The following OCIAD1 variants were observed in gnomAD, a reference collection of about 807,000 sequenced individuals.
The protein encoded by OCIAD1 is OCIA domain containing 1.
In OCIAD1, 29 loss-of-function variants were observed where a neutral mutation model predicts 38.9. That is an observed-to-expected ratio of 0.74 (90% CI 0.55 to 1.02). The LOEUF (loss-of-function observed/expected upper bound fraction) is 1.02. Ranked by LOEUF, OCIAD1 falls within the 50% of genes least tolerant of loss-of-function variation. OCIAD1 has a pLI of 0.00. For synonymous variants in OCIAD1, 110 were observed against 92.0 expected (o/e 1.20, Z -1.12); for missense variants, 288 against 289.6 (o/e 0.99, Z 0.04).
At chr4:48,835,315 T>G (rs1024178408) in intron 3 of OCIAD1, among the ~76,000 whole-genome samples, 1 of 152,180 alleles carries the variant, frequency 6.6e-6, no homozygotes, top group Non-Finnish European at 1.5e-5. Flanking sequence ...GAAGACTTTT[T>G]AAAGAGATAA....
At chr4:48,806,884 G>A (rs1186878600) in intron 1 of OCIAD1, among the ~76,000 whole-genome samples, 9 of 152,142 alleles carry the variant, frequency 5.9e-5, no homozygotes, top group South Asian at 2.1e-4. Context: ...GATTACAGGC[G>A]TGAGCAACCC....
intron 3 of OCIAD1, chr4:48,837,130 C>G (rs1413655988): frequency 6.6e-6 from 1 of 151,888 alleles, no homozygotes; most frequent in East Asian, 1.9e-4. Context: ...TGCCACCATA[C>G]CTGGCTATTT....
At position 48,823,965 on chromosome 4, in the gene OCIAD1, C is replaced by A. The variant is rs75857226; in HGVS notation, c.-102-6612C>A. Among the ~76,000 whole-genome samples the A allele has an allele frequency of 4.1e-4, 61 of 148,150 alleles. No homozygotes were observed. In the East Asian group the frequency reaches 0.011, roughly 27 times the overall value. On this transcript the variant is annotated intron_variant, in intron 1 of 6. Coordinates refer to the OCIAD1 transcript ENST00000504654. ...TACAGGAGTGAGCCACTACACCTGG[C>A]TTTCTTTGAATTCTTCTTTTGTTTT...
intron 1 of OCIAD1, among the ~76,000 whole-genome samples, chr4:48,807,672 C>T (rs1777042785): frequency 6.6e-6 from 1 of 152,082 alleles, no homozygotes; most frequent in South Asian, 2.1e-4. Flanking sequence ...TGCAGGCTGG[C>T]CCAAGCAAAA....
intron 4 of OCIAD1, among the ~76,000 whole-genome samples, chr4:48,846,719 G>T (rs1233307537): frequency 1.3e-5 from 2 of 150,970 alleles, no homozygotes; most frequent in African/African-American, 4.9e-5. Context: ...CTGCACTCCA[G>T]CCTGGGGACA....
At chr4:48,859,270 ATGTT>A (rs1034092542) in intron 8 of OCIAD1, among the ~76,000 whole-genome samples, 3 of 152,152 alleles carry the variant, frequency 2.0e-5, no homozygotes, top group Admixed American at 6.5e-5. Flanking sequence ...ATACTTTTGA[ATGTT>A]TGTCATCAAA....
chr4:48,833,526 A>T (rs1245482974), intron 3 of OCIAD1, 45 bp downstream of exon 3: 5 of 1,255,658 alleles, frequency 4.0e-6, no homozygotes, highest in Non-Finnish European at 5.7e-6. Flanking sequence ...CAAAATTTGT[A>T]CCTGAAATTT....
intron 4 of OCIAD1, among the ~76,000 whole-genome samples, chr4:48,846,606 G>A (rs150818803): frequency 6.6e-6 from 1 of 152,222 alleles, no homozygotes; most frequent in Admixed American, 6.5e-5. Context: ...AAATTAACTG[G>A]GCATGGTGGT....
intron 1 of OCIAD1, among the ~76,000 whole-genome samples, chr4:48,823,615 A>T (rs1777219519): frequency 6.6e-6 from 1 of 151,778 alleles, no homozygotes; most frequent in Admixed American, 6.6e-5. Flanking sequence ...GGCTATACAC[A>T]TTTCCTTTTT....
intron 1 of OCIAD1, chr4:48,805,453 G>A (rs1182867366): frequency 6.6e-6 from 1 of 152,180 alleles, no homozygotes; most frequent in Non-Finnish European, 1.5e-5. Flanking sequence ...TTATTACACA[G>A]CAATGGATAA....
Position 48,857,380 on chromosome 4 carries a change from T to C in OCIAD1, c.700+15T>C. On this transcript the variant is annotated intron_variant, in intron 8 of 8. Transcript: ENST00000264312. ...AAAAAAAGAAGGTATGATAGTTTAG[T>C]CTGAATCACTTTACTGTTGAGGATT... 4 of 1,499,190 alleles carry C rather than the reference T, an allele frequency of 2.7e-6. No individual in the cohort carries two copies. The highest frequency in any genetic ancestry group is 1.4e-5 in the South Asian group (1 of 71,846). 92.9% of individuals were successfully genotyped at this position (1,499,190 alleles called of 1,614,324 possible).
chr4:48,848,938 A>G (rs1333825952), intron 5 of OCIAD1, among the ~76,000 whole-genome samples: 2 of 152,184 alleles, frequency 1.3e-5, no homozygotes, highest in African/African-American at 4.8e-5. Context: ...AATGTGGCAC[A>G]TATACACCAT....
At chr4:48,828,446 C>T (rs1224047050), upstream of OCIAD1, among the ~76,000 whole-genome samples, 1 of 152,216 alleles carries the variant, frequency 6.6e-6, no homozygotes, top group Admixed American at 6.5e-5. Context: ...CGGCAACCCA[C>T]TCAGGTCCCC....
chr4:48,836,207 T>C (rs753435598), intron 3 of OCIAD1, among the ~76,000 whole-genome samples: 2 of 152,128 alleles, frequency 1.3e-5, no homozygotes, highest in Non-Finnish European at 2.9e-5. Context: ...AACGATGAGA[T>C]ATAGTTGATT....
intron 3 of OCIAD1, among the ~76,000 whole-genome samples, chr4:48,834,315 G>A (rs903380312): frequency 2.0e-5 from 3 of 152,188 alleles, no homozygotes; most frequent in African/African-American, 7.2e-5. Context: ...GGGATTACAG[G>A]CATGTGCAAC....
upstream of OCIAD1, chr4:48,830,951 G>A (rs3761731): frequency 3.6e-4 from 57 of 156,960 alleles, no homozygotes; most frequent in East Asian, 9.3e-3. Context: ...GCGGCTCGTG[G>A]CCGCAGCTGC....
chr4:48,828,057 A>G (rs1296691036), upstream of OCIAD1, among the ~76,000 whole-genome samples: 1 of 152,124 alleles, frequency 6.6e-6, no homozygotes, highest in African/African-American at 2.4e-5. Context: ...AGGTTTGTAA[A>G]TGCACCAATC....
intron 1 of OCIAD1, among the ~76,000 whole-genome samples, chr4:48,812,896 G>T (rs553467658): frequency 6.6e-6 from 1 of 152,196 alleles, no homozygotes; most frequent in Non-Finnish European, 1.5e-5. Flanking sequence ...CCAAGGATGG[G>T]AGACAGAATG....
chr4:48,851,977 T>G lies in OCIAD1; in HGVS notation c.547+2T>G. On this transcript the variant is annotated splice_donor_variant, in intron 7 of 8. Transcript: ENST00000264312. LOFTEE classifies it high-confidence loss of function. Reference sequence around the variant, plus strand: ...GTATTACTGATCATATTGTCCAAGGTAGAAACTTCTCTTGAAATGAATTTC... The same window carrying G: ...GTATTACTGATCATATTGTCCAAGGGAGAAACTTCTCTTGAAATGAATTTC... 6.3e-7 allele frequency: 1 copy of G among 1,589,086 alleles called. No homozygotes were observed. Among genetic ancestry groups the G allele is most frequent in the Non-Finnish European group, 8.6e-7 (1 of 1,167,726 alleles).
Sources: allele counts gnomAD v4.1 joint callset (sites outside exome capture counted in the v4.1 genomes callset), GRCh38; gene constraint gnomAD v4.1.1; transcripts MANE v1.5; gene names NCBI Gene and HGNC (gene_info 2026-07-23, HGNC 2026-07-21).